The following IGF1R variants were observed in gnomAD, a reference collection of about 807,000 sequenced individuals.
IGF1R encodes the protein insulin like growth factor 1 receptor.
Under a neutral mutation model 144.6 loss-of-function variants are expected in IGF1R, and 44 were observed. The observed-to-expected ratio is 0.30, with a 90% CI of 0.24 to 0.39. The LOEUF is 0.39. Ranked by LOEUF, IGF1R falls within the 10% of genes least tolerant of loss-of-function variation. The pLI, the probability that IGF1R is intolerant of heterozygous loss-of-function variation, is 1.00. For missense variants in IGF1R, 1,355 were observed against 1,833.7 expected (o/e 0.74, Z 4.77); for synonymous variants, 795 against 722.8 (o/e 1.10, Z -1.60).
chr15:98,663,892 G>A (rs1013002759), intron 1 of IGF1R, among the ~76,000 whole-genome samples: 1 of 152,224 alleles, frequency 6.6e-6, no homozygotes, highest in Non-Finnish European at 1.5e-5. Flanking sequence ...TTTGCTACTG[G>A]TGCTTTTGAA....
Position 98,959,978 on chromosome 15 carries a change from TG to T in IGF1R, c.*2537del. The T allele has an allele frequency of 1.3e-5, 3 of 232,622 alleles. No homozygotes were observed. The highest frequency in any genetic ancestry group is 2.5e-5 in the Non-Finnish European group (3 of 117,762). The allele number at this position is 232,622 out of a possible 1,614,324, so 14.4% of individuals were successfully genotyped here. A position where few individuals can be genotyped will look rare whatever the true frequency, so the allele number is the denominator to read the frequency against. ...TTAAATTTCAAGGAAAGGGTGTGTG[TG>T]TGTGTATGTGTGGGGTGTGTGTGTG... On this transcript the variant is annotated 3_prime_UTR_variant, in exon 21 of 21. Coordinates refer to ENST00000650285, the MANE Select transcript of IGF1R (RefSeq NM_000875.5).
At chr15:98,938,255 G>C (rs1414330345) in intron 17 of IGF1R, among the ~76,000 whole-genome samples, 1 of 152,178 alleles carries the variant, frequency 6.6e-6, no homozygotes, top group African/African-American at 2.4e-5. Context: ...GCTGGTGGCC[G>C]GCCTGCAAGT....
Position 98,707,645 on chromosome 15 carries a change from C to T in IGF1R, c.178C>T (p.His60Tyr), listed in dbSNP as rs753422286. The change falls in exon 2 of 21, where the codon CAC (histidine) becomes TAC (tyrosine). Residue 60 changes from histidine (H) to tyrosine (Y), a missense_variant. By Grantham distance (83) the His-to-Tyr change is moderately conservative (BLOSUM62 2). This residue lies in a region of IGF1R where 75 missense variants were observed against 160.0 expected (regional missense o/e 0.47). Coordinates refer to ENST00000650285, the MANE Select transcript of IGF1R (RefSeq NM_000875.5). This position sits in a 1 kb window ranked among gnomAD's most constrained non-coding sequence, Gnocchi z 6.7. Reference sequence around the variant, plus strand: ...CTGCACGGTGATCGAGGGCTACCTCCACATCCTGCTCATCTCCAAGGCCGA... The same window carrying T: ...CTGCACGGTGATCGAGGGCTACCTCTACATCCTGCTCATCTCCAAGGCCGA... ...ENCTVIEGYL[H>Y]ILLISKAEDY... 1 of 1,614,198 alleles carries T rather than the reference C, an allele frequency of 6.2e-7. No individual in the cohort carries two copies. The highest frequency in any genetic ancestry group is 1.1e-5 in the South Asian group (1 of 91,076).
At chr15:98,760,921 C>A (rs181921176) in intron 2 of IGF1R, among the ~76,000 whole-genome samples, 56 of 152,362 alleles carry the variant, frequency 3.7e-4, no homozygotes, top group Middle Eastern at 3.4e-3. Flanking sequence ...GTTTGCTTTT[C>A]GATGTCTAAT....
chr15:98,649,807 G>A, intron 1 of IGF1R, 132 bp downstream of exon 1: 2 of 663,272 alleles, frequency 3.0e-6, no homozygotes, highest in South Asian at 1.8e-5. Context: ...GGGGTGGGGC[G>A]CAGGGCGGCT....
At chr15:98,849,402 C>T (rs2011460266) in intron 2 of IGF1R, among the ~76,000 whole-genome samples, 1 of 152,174 alleles carries the variant, frequency 6.6e-6, no homozygotes, top group Admixed American at 6.5e-5. Context: ...ATACCATGTA[C>T]CAGGCTAGAC....
chr15:98,778,078 CT>C (rs571801511), intron 2 of IGF1R, among the ~76,000 whole-genome samples: 5 of 152,288 alleles, frequency 3.3e-5, no homozygotes, highest in Admixed American at 3.3e-4. Context: ...CTAGACTAAT[CT>C]TTTAGGGGGT....
chr15:98,961,806 G>A lies in IGF1R; in HGVS notation c.*4364G>A, dbSNP rs146869867. On this transcript the variant is annotated 3_prime_UTR_variant, in exon 21 of 21. Transcript: ENST00000650285. The stretch of plus-strand genomic sequence containing the variant: ...ATGACGTTTGACATACCTTTGGAAC[G>A]AGCCTCCTCCTTGGAAGATGGAAGA... 104 of 233,348 alleles carry A rather than the reference G, an allele frequency of 4.5e-4. No individual in the cohort carries two copies. Among genetic ancestry groups the A allele is most frequent in the African/African-American group, 2.1e-3 (94 of 45,464 alleles). The allele number at this position is 233,348 out of a possible 1,614,324, so 14.5% of individuals were successfully genotyped here. A position where few individuals can be genotyped will look rare whatever the true frequency, so the allele number is the denominator to read the frequency against.
chr15:98,837,133 C>T (rs562688660), intron 2 of IGF1R, among the ~76,000 whole-genome samples: 2 of 152,252 alleles, frequency 1.3e-5, no homozygotes, highest in South Asian at 2.1e-4. Context: ...CTCTGTTGCC[C>T]AGGCAGGGGA....
At chr15:98,800,806 G>A (rs1423314616) in intron 2 of IGF1R, among the ~76,000 whole-genome samples, 3 of 152,210 alleles carry the variant, frequency 2.0e-5, no homozygotes, top group African/African-American at 7.2e-5. Context: ...GGGCGAAGCA[G>A]GCTTTTTATG....
chr15:98,845,372 TCTC>T (rs1225427225), intron 2 of IGF1R, among the ~76,000 whole-genome samples: 2 of 148,710 alleles, frequency 1.3e-5, no homozygotes, highest in African/African-American at 2.5e-5. Context: ...TATTCTTCTC[TCTC>T]CTCCTCCTCC....
At chr15:98,930,670 T>G (rs1243538901) in intron 15 of IGF1R, among the ~76,000 whole-genome samples, 1 of 152,204 alleles carries the variant, frequency 6.6e-6, no homozygotes. Flanking sequence ...GACAAAACAG[T>G]CCTTTTAAAC....
intron 2 of IGF1R, among the ~76,000 whole-genome samples, chr15:98,712,728 G>A (rs1221383646): frequency 1.3e-5 from 2 of 151,640 alleles, no homozygotes; most frequent in African/African-American, 4.9e-5. Context: ...TACTGCCTCA[G>A]CCTCCTGAGT....
intron 2 of IGF1R, among the ~76,000 whole-genome samples, chr15:98,882,078 A>C (rs1327294776): frequency 4.6e-5 from 7 of 152,222 alleles, no homozygotes; most frequent in Admixed American, 4.6e-4. Flanking sequence ...GAGAAACGGC[A>C]AGCAAGCTGC....
At chr15:98,713,588 G>A (rs940643002) in intron 2 of IGF1R, among the ~76,000 whole-genome samples, 1 of 152,174 alleles carries the variant, frequency 6.6e-6, no homozygotes, top group African/African-American at 2.4e-5. Flanking sequence ...GGCACGTGAA[G>A]CCATTCATGA....
At chr15:98,710,964 C>T (rs13380068) in intron 2 of IGF1R, among the ~76,000 whole-genome samples, 17,641 of 152,176 alleles carry the variant, frequency 0.12, 3,144 homozygotes, top group African/African-American at 0.38. Flanking sequence ...GCCACCATGC[C>T]CGACTCTTTT....
chr15:98,817,673 C>T (rs1266708231), intron 2 of IGF1R, among the ~76,000 whole-genome samples: 1 of 152,194 alleles, frequency 6.6e-6, no homozygotes, highest in African/African-American at 2.4e-5. Flanking sequence ...TGATTGTCAG[C>T]TCAGGCTGCT....
chr15:98,939,820 C>T (rs938551758), intron 18 of IGF1R, among the ~76,000 whole-genome samples: 1 of 152,234 alleles, frequency 6.6e-6, no homozygotes, highest in African/African-American at 2.4e-5. Flanking sequence ...GAAGCCTCTG[C>T]ACGGAGCAGG....
rs556791703 is a variant in IGF1R, at chr15:98,911,185, T to A, written c.1463-130T>A. 220 of 995,944 alleles carry A rather than the reference T, an allele frequency of 2.2e-4. 3 individuals are homozygous for A. In the South Asian group the frequency reaches 2.8e-3, roughly 13 times the overall value. 61.7% of individuals were successfully genotyped at this position (995,944 alleles called of 1,614,324 possible). A position where few individuals can be genotyped will look rare whatever the true frequency, so the allele number is the denominator to read the frequency against. ...TCTTAGTGGAAAACGAGAAAGCCAC[T>A]GAGGAAGCCCAGAAGGGAACTTAGC... On this transcript the variant is annotated intron_variant, in intron 6 of 20. Coordinates refer to ENST00000650285, the MANE Select transcript of IGF1R (RefSeq NM_000875.5).
Sources: gnomAD v4.1 joint callset for allele counts (sites outside exome capture counted in the v4.1 genomes callset) on GRCh38, gnomAD v4.1.1 for gene constraint, gnomAD v4.1.1 regional missense constraint, Gnocchi (gnomAD v3.1) non-coding constraint, MANE v1.5 for transcripts, NCBI Gene and HGNC (gene_info 2026-07-23, HGNC 2026-07-21) for gene names.